The following TAB3 variants were observed in gnomAD, a reference collection of about 807,000 sequenced individuals.
TAB3 encodes the protein TGF-beta activated kinase 1 (MAP3K7) binding protein 3.
TAB3 carries 18 observed loss-of-function variants against 48.1 expected under a neutral mutation model. That is an observed-to-expected ratio of 0.37 (90% CI 0.26 to 0.55). The LOEUF (loss-of-function observed/expected upper bound fraction) is 0.55, where lower values mean the gene tolerates loss of function less well. Ranked by LOEUF, TAB3 falls within the 20% of genes least tolerant of loss-of-function variation. The probability of loss-of-function intolerance (pLI) is 0.78; values close to 1 mark genes in which losing one functional copy is unlikely to be tolerated. For synonymous variants in TAB3, 185 were observed against 190.2 expected (o/e 0.97, Z 0.22); for missense variants, 414 against 549.8 (o/e 0.75, Z 2.47).
intron 1 of TAB3, among the ~76,000 whole-genome samples, chrX:30,880,647 T>C (rs940591750): frequency 7.2e-5 from 8 of 111,422 alleles, no homozygotes; most frequent in African/African-American, 1.3e-4. Context: ...CAAGGGCTCA[T>C]TTCCAGCATA....
intron 1 of TAB3, among the ~76,000 whole-genome samples, chrX:30,879,502 C>T (rs1939936642): frequency 8.9e-6 from 1 of 111,861 alleles, no homozygotes; most frequent in African/African-American, 3.2e-5. Context: ...TGAGGAATAT[C>T]CTATGGTTAT....
chrX:30,880,993 G>A (rs1208645254), intron 1 of TAB3, among the ~76,000 whole-genome samples: 2 of 110,792 alleles, frequency 1.8e-5, no homozygotes, highest in Non-Finnish European at 3.8e-5. Context: ...TGAGATCTAC[G>A]TACATATCCC....
At chrX:30,835,422 C>T (rs1308661216) in intron 9 of TAB3, 1 of 117,890 alleles carries the variant, frequency 8.5e-6, no homozygotes, top group African/African-American at 3.2e-5. Flanking sequence ...CATACCTTAT[C>T]TCACTAACTC....
rs11316848 is a variant in TAB3, at chrX:30,833,830, C to CA, written c.1990+220dup. ...TGGCCTAAAGAGCGAGACTCCGTCT[C>CA]AAAAAAAAAAAAAAAAAAAAAAATT... On this transcript the variant is annotated intron_variant, in intron 10 of 10. Transcript: ENST00000288422. Among the ~76,000 whole-genome samples the CA allele has an allele frequency of 8.6e-3, 440 of 51,045 alleles. 1 individual carries two copies. The highest frequency in any genetic ancestry group is 0.019 in the South Asian group (16 of 859). 44.3% of individuals were successfully genotyped at this position (51,045 alleles called of 115,157 possible).
chrX:30,843,084 AC>A, intron 8 of TAB3, 35 bp from the exon 9 acceptor site: 1 of 834,266 alleles, frequency 1.2e-6, no homozygotes, highest in Non-Finnish European at 1.7e-6. Context: ...GCATTTAAGA[AC>A]TCTTTTTTCC....
chrX:30,853,393 T>C (rs976380336), intron 6 of TAB3, among the ~76,000 whole-genome samples: 1 of 112,700 alleles, frequency 8.9e-6, no homozygotes, highest in African/African-American at 3.2e-5. Context: ...ACTTTTTAGC[T>C]AATCCAATAA....
intron 10 of TAB3, among the ~76,000 whole-genome samples, chrX:30,832,119 A>G (rs186941631): frequency 1.8e-5 from 2 of 112,437 alleles, no homozygotes; most frequent in Admixed American, 1.9e-4. Flanking sequence ...AGAATAGTGA[A>G]AAGAGGAAGA....
rs765227529 is a variant in TAB3, at chrX:30,879,779, G to A, written c.-382-7978C>T. On this transcript the variant is annotated intron_variant, in intron 1 of 10. Coordinates refer to ENST00000288422, the MANE Select transcript of TAB3 (RefSeq NM_152787.5). Reference sequence around the variant, plus strand: ...ATAAGAAACAAAAGTATAACATTTCGAAAGGAAGAAACAAGACTTTATTTG... The same window carrying A: ...ATAAGAAACAAAAGTATAACATTTCAAAAGGAAGAAACAAGACTTTATTTG... Among the ~76,000 whole-genome samples, 8 of 111,348 alleles carry A rather than the reference G, an allele frequency of 7.2e-5. No homozygotes were observed. The South Asian group carries it at 1.5e-3, about 21-fold the overall frequency.
At position 30,834,029 on chromosome X, in the gene TAB3, CTCTG is replaced by C; in HGVS notation, c.1990+18_1990+21del. ...TGTGTCTTTGGACATTCTGCACAAACTCTGGACACACAAGTACAAACCATCTGCA... is the reference window on the plus strand; with the variant it reads ...TGTGTCTTTGGACATTCTGCACAAACGACACACAAGTACAAACCATCTGCA... On this transcript the variant is annotated intron_variant, in intron 10 of 10. Coordinates refer to ENST00000288422, the MANE Select transcript of TAB3 (RefSeq NM_152787.5). The C allele has an allele frequency of 3.4e-6, 4 of 1,183,963 alleles. No homozygotes were observed. The highest frequency in any genetic ancestry group is 4.6e-6 in the Non-Finnish European group (4 of 870,762).
Position 30,850,760 on chromosome X carries a change from C to G in TAB3, c.1710+2018G>C, listed in dbSNP as rs781599152. 8.7e-5 allele frequency among the ~76,000 whole-genome samples: 9 copies of G among 103,767 alleles called. No individual in the cohort carries two copies. The East Asian group carries it at 2.4e-3, about 27-fold the overall frequency. The allele number at this position is 103,767 out of a possible 115,157, so 90.1% of individuals were successfully genotyped here. On this transcript the variant is annotated intron_variant, in intron 7 of 10. Coordinates refer to ENST00000288422, the MANE Select transcript of TAB3 (RefSeq NM_152787.5). ...GAAAAAAGATACATCAATAAGAGCTCTGATATAAAATCTGGGGCTTTTTTC... is the reference window on the plus strand; with the variant it reads ...GAAAAAAGATACATCAATAAGAGCTGTGATATAAAATCTGGGGCTTTTTTC...
rs1307342675 is a variant in TAB3 at position 30,868,310 on chromosome X, TATAGCTTATATATATATATATATA to T, written c.-279-785_-279-762del. Among the ~76,000 whole-genome samples, 15 of 1,590 alleles carry T rather than the reference TATAGCTTATATATATATATATATA, an allele frequency of 9.4e-3. 5 individuals are homozygous for T. Among genetic ancestry groups the T allele is most frequent in the South Asian group, 0.053 (1 of 19 alleles). The allele number at this position is 1,590 out of a possible 115,157, so 1.4% of individuals were successfully genotyped here. A position where few individuals can be genotyped will look rare whatever the true frequency, so the allele number is the denominator to read the frequency against. ...TGTTTAGTGAAAAGCTATATATATA[TATAGCTTATATATATATATATATA>T]AGCTTTTATATATATAGCTTATATA... On this transcript the variant is annotated intron_variant, in intron 2 of 10. Transcript: ENST00000288422.
chrX:30,833,589 TG>T (rs766438168), intron 10 of TAB3, among the ~76,000 whole-genome samples: 5 of 110,633 alleles, frequency 4.5e-5, no homozygotes, highest in African/African-American at 1.6e-4. Flanking sequence ...CCCAGCACTT[TG>T]GGAGGCTGAG....
At chrX:30,853,513 T>A (rs1000683960) in intron 6 of TAB3, among the ~76,000 whole-genome samples, 1 of 110,350 alleles carries the variant, frequency 9.1e-6, no homozygotes, top group Non-Finnish European at 1.9e-5. Context: ...CCATTCTCCA[T>A]GAATCTCTTT....
chrX:30,871,608 C>G (rs1468830533), intron 2 of TAB3, 91 bp downstream of exon 2: 1 of 111,609 alleles, frequency 9.0e-6, no homozygotes, highest in African/African-American at 3.3e-5. Context: ...CTCTTAAGTG[C>G]ACAAAGGACA....
chrX:30,859,930 AAAAAAAC>A (rs1432042769), intron 4 of TAB3, among the ~76,000 whole-genome samples: 12 of 110,143 alleles, frequency 1.1e-4, no homozygotes, highest in Non-Finnish European at 2.1e-4. Context: ...TATTTAAAAA[AAAAAAAC>A]AAAAAACAAA....
Position 30,828,263 on chromosome X carries a change from G to T in TAB3, c.*3164C>A, listed in dbSNP as rs1937941593. 1 of 113,526 alleles carries T rather than the reference G, an allele frequency of 8.8e-6. No homozygotes were observed. The highest frequency in any genetic ancestry group is 1.9e-5 in the Non-Finnish European group (1 of 53,260). The allele number at this position is 113,526 out of a possible 1,213,427, so 9.4% of individuals were successfully genotyped here. A position where few individuals can be genotyped will look rare whatever the true frequency, so the allele number is the denominator to read the frequency against. ...TTGGATATGAACCCTAGACAACTGT[G>T]ACAAAGCAATGACAAAATTTAAGGA... On this transcript the variant is annotated 3_prime_UTR_variant, in exon 11 of 11. Transcript: ENST00000288422.
chrX:30,866,030 A>T (rs897915420), intron 4 of TAB3, among the ~76,000 whole-genome samples: 2 of 112,038 alleles, frequency 1.8e-5, no homozygotes, highest in Non-Finnish European at 3.8e-5. Flanking sequence ...TGAAACAGTC[A>T]TCCTATAGGA....
chrX:30,868,363 ATATAT>A (rs1939499024), intron 2 of TAB3, among the ~76,000 whole-genome samples: 1 of 10,111 alleles, frequency 9.9e-5, no homozygotes, highest in African/African-American at 1.3e-3. Flanking sequence ...TTATATATAT[ATATAT>A]AGCTTATATA....
chrX:30,848,651 G>T (rs1373035912), intron 7 of TAB3, among the ~76,000 whole-genome samples: 1 of 111,482 alleles, frequency 9.0e-6, no homozygotes, highest in Non-Finnish European at 1.9e-5. Context: ...ACTGAGGGGG[G>T]AAAAAAAGCA....
Sources: allele counts gnomAD v4.1 joint callset (sites outside exome capture counted in the v4.1 genomes callset), GRCh38; gene constraint gnomAD v4.1.1; transcripts MANE v1.5; gene names NCBI Gene and HGNC (gene_info 2026-07-23, HGNC 2026-07-21).